STK33: variants seen among roughly 807,000 people sequenced by gnomAD.
The protein encoded by STK33 is serine/threonine kinase 33.
Under a neutral mutation model 58.0 loss-of-function variants are expected in STK33, and 52 were observed. The ratio of observed to expected loss-of-function variants is 0.90; its 90% CI spans 0.72 to 1.13. The LOEUF (loss-of-function observed/expected upper bound fraction) is 1.13, where lower values mean the gene tolerates loss of function less well. Among genes scored for constraint, STK33 ranks in the 50% most tolerant of loss-of-function variants. The probability of loss-of-function intolerance (pLI) is 0.00; values close to 1 mark genes in which losing one functional copy is unlikely to be tolerated. For synonymous variants in STK33, 215 were observed against 200.1 expected, an observed-to-expected ratio of 1.07 and a Z score of -0.63; for missense variants, 630 against 604.2, an observed-to-expected ratio of 1.04 and a Z score of -0.45.
At chr11:8,526,768 CAAAA>C (rs1954063554) in intron 1 of STK33, among the ~76,000 whole-genome samples, 1 of 137,028 alleles carries the variant, frequency 7.3e-6, no homozygotes, top group Admixed American at 7.6e-5. Context: ...CACACACACA[CAAAA>C]AGAAAATAAC....
At position 8,392,346 on chromosome 11, in the gene STK33, G is replaced by A. The variant is rs1848684304; in HGVS notation, c.*164C>T. 2.5e-6 allele frequency: 2 copies of A among 801,750 alleles called. No homozygotes were observed. Among genetic ancestry groups the A allele is most frequent in the Non-Finnish European group, 4.1e-6 (2 of 493,780 alleles). 49.7% of individuals were successfully genotyped at this position (801,750 alleles called of 1,614,324 possible). The stretch of plus-strand genomic sequence containing the variant: ...CATGTGCAGCTTATGCTGCTTTGGA[G>A]ATAAGCAGCTTCAATTTTAAGCTGG... On this transcript the variant is annotated 3_prime_UTR_variant, in exon 16 of 16. Transcript: ENST00000687296.
chr11:8,464,172 A>C, intron 7 of STK33, among the ~76,000 whole-genome samples: 1 of 152,206 alleles, frequency 6.6e-6, no homozygotes. Context: ...AGAGAAGCTC[A>C]GTCGTTCCCC....
chr11:8,542,242 A>C (rs1955577538), intron 1 of STK33, among the ~76,000 whole-genome samples: 1 of 152,236 alleles, frequency 6.6e-6, no homozygotes, highest in Non-Finnish European at 1.5e-5. Context: ...TTTCTACGAT[A>C]AATGTGGCTA....
At chr11:8,442,369 C>T (rs547341721) in intron 11 of STK33, among the ~76,000 whole-genome samples, 23 of 152,294 alleles carry the variant, frequency 1.5e-4, no homozygotes, top group Middle Eastern at 3.4e-3. Context: ...ATTCAGTGAA[C>T]GATTTCCACA....
the STK33 span, among the ~76,000 whole-genome samples, chr11:8,381,417 G>A: frequency 2.6e-5 from 4 of 152,158 alleles, no homozygotes; most frequent in Non-Finnish European, 5.9e-5. Flanking sequence ...AAGGGTTAGG[G>A]CTCCTGCTGT....
intron 1 of STK33, among the ~76,000 whole-genome samples, chr11:8,536,278 T>C (rs1409957610): frequency 6.6e-6 from 1 of 152,202 alleles, no homozygotes; most frequent in African/African-American, 2.4e-5. Context: ...GCACACATTA[T>C]CTACATGCAA....
intron 1 of STK33, among the ~76,000 whole-genome samples, chr11:8,514,851 G>C (rs535376228): frequency 2.0e-5 from 3 of 151,944 alleles, no homozygotes; most frequent in Non-Finnish European, 4.4e-5. Flanking sequence ...AATAAAACCA[G>C]GAATATAAAC....
At chr11:8,498,028 T>A (rs963163319) in intron 1 of STK33, among the ~76,000 whole-genome samples, 1 of 152,120 alleles carries the variant, frequency 6.6e-6, no homozygotes, top group Admixed American at 6.6e-5. Flanking sequence ...CAAGTGGAAC[T>A]GATCTCAGAA....
At chr11:8,560,441 C>A (rs1254941844) in intron 1 of STK33, among the ~76,000 whole-genome samples, 1 of 151,098 alleles carries the variant, frequency 6.6e-6, no homozygotes, top group East Asian at 1.9e-4. Context: ...ATCAGTGATC[C>A]CTAAATATTA....
chr11:8,537,816 A>C (rs960739361), intron 1 of STK33, among the ~76,000 whole-genome samples: 3 of 150,926 alleles, frequency 2.0e-5, no homozygotes, highest in African/African-American at 7.3e-5. Flanking sequence ...TTTCAAAAAA[A>C]AAAAAAAATT....
At chr11:8,567,380 CAGTA>C (rs1399369297) in intron 1 of STK33, 13 of 152,040 alleles carry the variant, frequency 8.6e-5, no homozygotes, top group African/African-American at 3.1e-4. Flanking sequence ...ATCTAGAACA[CAGTA>C]AGGTACACAG....
intron 1 of STK33, among the ~76,000 whole-genome samples, chr11:8,558,618 A>G (rs1273934853): frequency 2.0e-5 from 3 of 152,130 alleles, no homozygotes; most frequent in Non-Finnish European, 4.4e-5. Context: ...GTGTGACACC[A>G]GATGCGGGTG....
intron 6 of STK33, among the ~76,000 whole-genome samples, chr11:8,472,058 C>A (rs1447788350): frequency 6.6e-6 from 1 of 152,098 alleles, no homozygotes; most frequent in Non-Finnish European, 1.5e-5. Context: ...CCCACAGTAG[C>A]CAGGACTACA....
intron 1 of STK33, among the ~76,000 whole-genome samples, chr11:8,574,783 A>T (rs1274326989): frequency 6.6e-6 from 1 of 152,146 alleles, no homozygotes; most frequent in Non-Finnish European, 1.5e-5. Flanking sequence ...TCATGCCTGT[A>T]ATCCCAACAC....
chr11:8,537,429 T>C (rs549650298), intron 1 of STK33, among the ~76,000 whole-genome samples: 2 of 152,230 alleles, frequency 1.3e-5, no homozygotes, highest in East Asian at 3.9e-4. Flanking sequence ...TGTTCATAAT[T>C]ACTCACTGAA....
At chr11:8,431,151 C>T (rs569522034) in intron 14 of STK33, among the ~76,000 whole-genome samples, 13 of 152,258 alleles carry the variant, frequency 8.5e-5, no homozygotes, top group African/African-American at 3.1e-4. Flanking sequence ...AAGCGTGACC[C>T]ACCGCACCCG....
chr11:8,462,470 C>A (rs529672943), intron 7 of STK33, among the ~76,000 whole-genome samples: 1 of 143,352 alleles, frequency 7.0e-6, no homozygotes, highest in African/African-American at 2.7e-5. Context: ...CACACACACA[C>A]ACATATATAT....
intron 11 of STK33, among the ~76,000 whole-genome samples, chr11:8,444,500 G>T (rs1945163158): frequency 6.6e-6 from 1 of 152,064 alleles, no homozygotes; most frequent in African/African-American, 2.4e-5. Flanking sequence ...CTGACACTAA[G>T]TAGGTCCTCA....
intron 1 of STK33, among the ~76,000 whole-genome samples, chr11:8,576,123 G>A (rs923443003): frequency 2.0e-5 from 3 of 152,152 alleles, no homozygotes; most frequent in African/African-American, 7.2e-5. Context: ...ATCTGAGATG[G>A]GGAAAATGAA....
Sources: gnomAD v4.1 joint callset for allele counts (sites outside exome capture counted in the v4.1 genomes callset) on GRCh38, gnomAD v4.1.1 for gene constraint, MANE v1.5 for transcripts, NCBI Gene and HGNC (gene_info 2026-07-23, HGNC 2026-07-21) for gene names.